CSPP1: variants seen among roughly 807,000 people sequenced by gnomAD.
CSPP1 encodes centrosome and spindle pole-associated protein 1.
Under a neutral mutation model 164.4 loss-of-function variants are expected in CSPP1, and 126 were observed. The observed-to-expected ratio is 0.77, with a 90% confidence interval of 0.66 to 0.89. The LOEUF (loss-of-function observed/expected upper bound fraction) is 0.89. Among genes scored for constraint, CSPP1 ranks in the 40% least tolerant of loss-of-function variants. The pLI is 0.00. For synonymous variants in CSPP1, 472 were observed against 476.7 expected (o/e 0.99, Z 0.13); for missense variants, 1,395 against 1,449.8 (o/e 0.96, Z 0.61).
chr8:67,125,411 G>T (rs754542392), intron 15 of CSPP1, among the ~76,000 whole-genome samples: 2 of 152,172 alleles, frequency 1.3e-5, no homozygotes, highest in Non-Finnish European at 2.9e-5. Context: ...CTGTTTGGCT[G>T]TATAAGTGTG....
At chr8:67,095,931 G>A (rs1368239544) in intron 7 of CSPP1, among the ~76,000 whole-genome samples, 199 bp downstream of exon 7, 2 of 152,126 alleles carry the variant, frequency 1.3e-5, no homozygotes, top group African/African-American at 4.8e-5. Flanking sequence ...CAAGGTGGGG[G>A]CCCTGTTGTA....
intron 5 of CSPP1, among the ~76,000 whole-genome samples, chr8:67,092,696 G>C (rs1161922900): frequency 2.0e-5 from 3 of 152,158 alleles, no homozygotes; most frequent in African/African-American, 7.2e-5. Flanking sequence ...ACCCGCCTCA[G>C]CCTCCCAAAG....
At chr8:67,082,898 A>G (rs1004365077) in intron 3 of CSPP1, among the ~76,000 whole-genome samples, 2 of 152,208 alleles carry the variant, frequency 1.3e-5, no homozygotes, top group African/African-American at 4.8e-5. Flanking sequence ...ATCCATCAGA[A>G]GACAACAGGC....
chr8:67,194,595 AC>A (rs1439263518), intron 30 of CSPP1, among the ~76,000 whole-genome samples: 3 of 152,130 alleles, frequency 2.0e-5, no homozygotes, highest in Non-Finnish European at 4.4e-5. Flanking sequence ...TTTAATGTCT[AC>A]ACTGTTTTTT....
At position 67,086,099 on chromosome 8, in the gene CSPP1, T is replaced by A; in HGVS notation, c.292T>A (p.Tyr98Asn). The change falls in exon 4 of 31, where the codon TAT becomes AAT. Residue 98 changes from tyrosine (Y) to asparagine (N), a missense_variant. Tyr to Asn is a moderately radical substitution (Grantham distance 143). Coordinates refer to ENST00000678616, the MANE Select transcript of CSPP1 (RefSeq NM_001382391.1). ...AGAATTGCGGCAAGATTACAGACGTTATCTTACTCAGGTAATGAGTTCTAT... is the reference window on the plus strand; with the variant it reads ...AGAATTGCGGCAAGATTACAGACGTAATCTTACTCAGGTAATGAGTTCTAT... ...KEELRQDYRR[Y>N]LTQKNFLSTS... The A allele has an allele frequency of 7.3e-7, 1 of 1,362,676 alleles. No individual in the cohort carries two copies. The highest frequency in any genetic ancestry group is 1.1e-6 in the Non-Finnish European group (1 of 950,842). The allele number at this position is 1,362,676 out of a possible 1,614,324, so 84.4% of individuals were successfully genotyped here.
chr8:67,081,578 A>G (rs1014103530), intron 3 of CSPP1, among the ~76,000 whole-genome samples: 1 of 152,250 alleles, frequency 6.6e-6, no homozygotes, highest in Non-Finnish European at 1.5e-5. Flanking sequence ...TATTTCATTA[A>G]AAGAAATTCT....
At chr8:67,086,963 G>C (rs1810544004) in intron 4 of CSPP1, 19 of 471,938 alleles carry the variant, frequency 4.0e-5, no homozygotes, top group South Asian at 3.4e-4. Flanking sequence ...AGGAAAACGG[G>C]TTCATTTGTG....
intron 21 of CSPP1, among the ~76,000 whole-genome samples, chr8:67,159,822 TTC>T (rs35412962): frequency 4.7e-4 from 65 of 137,730 alleles, no homozygotes; most frequent in East Asian, 1.2e-3. Flanking sequence ...ACGCCCGGCC[TTC>T]TCTCTCTTTC....
At chr8:67,181,118 G>T (rs1832918004) in intron 28 of CSPP1, among the ~76,000 whole-genome samples, 2 of 151,770 alleles carry the variant, frequency 1.3e-5, no homozygotes. Flanking sequence ...GCTCACTACA[G>T]CCTCAAATTC....
chr8:67,162,442 G>A (rs1828544759), intron 22 of CSPP1, among the ~76,000 whole-genome samples: 1 of 152,158 alleles, frequency 6.6e-6, no homozygotes, highest in African/African-American at 2.4e-5. Context: ...TAAGAGCTTT[G>A]ATTTTGTTCC....
At chr8:67,159,509 CTTTTTTTTTTTTTTTT>C (rs1172369424) in intron 21 of CSPP1, among the ~76,000 whole-genome samples, 3 of 48,916 alleles carry the variant, frequency 6.1e-5, no homozygotes, top group African/African-American at 2.2e-4. Flanking sequence ...TATATGTATT[CTTTTTTTTTTTTTTTT>C]TTTTTTTTTT....
At chr8:67,088,904 A>C (rs1187521344) in intron 4 of CSPP1, among the ~76,000 whole-genome samples, 1 of 151,834 alleles carries the variant, frequency 6.6e-6, no homozygotes, top group Non-Finnish European at 1.5e-5. Flanking sequence ...CTCAAAAAAA[A>C]AAAAAAAGAA....
At chr8:67,115,855 C>T in intron 12 of CSPP1, 59 bp from the exon 13 acceptor site, 1 of 1,351,406 alleles carries the variant, frequency 7.4e-7, no homozygotes, top group Non-Finnish European at 1.1e-6. Context: ...TTTTGAGGTC[C>T]CTTCCACCTT....
intron 27 of CSPP1, among the ~76,000 whole-genome samples, chr8:67,178,858 G>A (rs1230281549): frequency 6.6e-6 from 1 of 152,186 alleles, no homozygotes; most frequent in Non-Finnish European, 1.5e-5. Flanking sequence ...TTTGACACTT[G>A]TGCATGTGAT....
At chr8:67,159,925 C>T (rs866082472) in intron 21 of CSPP1, among the ~76,000 whole-genome samples, 1 of 37,958 alleles carries the variant, frequency 2.6e-5, no homozygotes, top group African/African-American at 1.6e-4. Context: ...TCTTTCTTTC[C>T]TTTCCTTCCT....
chr8:67,100,873 A>G (rs1171066147), intron 7 of CSPP1, among the ~76,000 whole-genome samples: 1 of 151,704 alleles, frequency 6.6e-6, no homozygotes, highest in African/African-American at 2.4e-5. Flanking sequence ...CAGTGAATTT[A>G]CTTTTTGTGT....
intron 4 of CSPP1, among the ~76,000 whole-genome samples, chr8:67,088,925 T>C (rs1255867667): frequency 4.0e-5 from 6 of 150,220 alleles, no homozygotes; most frequent in Non-Finnish European, 8.9e-5. Flanking sequence ...TATAGTCTTG[T>C]AGAGGAGCAC....
intron 21 of CSPP1, among the ~76,000 whole-genome samples, chr8:67,160,895 C>T (rs1188496409): frequency 2.0e-5 from 3 of 151,948 alleles, no homozygotes; most frequent in East Asian, 1.9e-4. Flanking sequence ...GGTGCAATCT[C>T]GGCTCACTGC....
intron 27 of CSPP1, among the ~76,000 whole-genome samples, chr8:67,178,842 T>G (rs1351230977): frequency 5.9e-5 from 9 of 152,194 alleles, no homozygotes; most frequent in African/African-American, 2.2e-4. Context: ...ATTCTGGGAC[T>G]TTGCCTTTGA....
Sources: allele counts gnomAD v4.1 joint callset (sites outside exome capture counted in the v4.1 genomes callset), GRCh38; gene constraint gnomAD v4.1.1; transcripts MANE v1.5; gene names NCBI Gene and HGNC (gene_info 2026-07-23, HGNC 2026-07-21).